Variants in MCF2L observed in about 807,000 individuals in gnomAD.
The protein encoded by MCF2L is MCF.2 cell line derived transforming sequence like.
A neutral mutation model predicts 153.4 loss-of-function variants in MCF2L; 97 were observed. That is an observed-to-expected ratio of 0.63 (90% CI 0.54 to 0.75). MCF2L has a LOEUF of 0.75. Ranked by LOEUF, MCF2L falls within the 30% of genes least tolerant of loss-of-function variation. The probability of loss-of-function intolerance (pLI) is 0.00; values close to 1 mark genes in which losing one functional copy is unlikely to be tolerated. For missense variants in MCF2L, 1,347 were observed against 1,495.2 expected (o/e 0.90, Z 1.64); for synonymous variants, 659 against 632.2 (o/e 1.04, Z -0.64).
At chr13:113,049,488 C>T (rs897072732) in intron 4 of MCF2L, among the ~76,000 whole-genome samples, 4 of 152,300 alleles carry the variant, frequency 2.6e-5, no homozygotes, top group Admixed American at 1.3e-4. Context: ...GTGGGGACAC[C>T]AAGTAGTGGC....
chr13:112,894,475 G>T (rs925187432), intron 1 of MCF2L: 1 of 151,592 alleles, frequency 6.6e-6, no homozygotes, highest in Non-Finnish European at 1.5e-5. Context: ...GGGGTGACGG[G>T]AGGGGGCGCG....
chr13:113,065,989 C>T (rs947653524), intron 7 of MCF2L, 57 bp from the exon 8 acceptor site: 1 of 1,570,846 alleles, frequency 6.4e-7, no homozygotes, highest in African/African-American at 1.3e-5. Flanking sequence ...GCCTCACCAC[C>T]AGCCTGCGCT....
intron 18 of MCF2L, 120 bp from the exon 19 acceptor site, chr13:113,084,772 C>T (rs752873719): frequency 6.3e-5 from 49 of 776,844 alleles, no homozygotes; most frequent in Non-Finnish European, 9.6e-5. Context: ...CTCGCAGGGC[C>T]GGGAAGACGC....
At chr13:113,026,697 C>CT (rs1432345802) in intron 3 of MCF2L, among the ~76,000 whole-genome samples, 3 of 152,260 alleles carry the variant, frequency 2.0e-5, no homozygotes, top group African/African-American at 7.2e-5. Flanking sequence ...TGGTCAGGCC[C>CT]TGGGGGCGTG....
intron 3 of MCF2L, among the ~76,000 whole-genome samples, chr13:113,033,198 C>T (rs2993320): frequency 0.4 from 21,171 of 52,434 alleles, 2,600 homozygotes; most frequent in East Asian, 0.47. Context: ...GACCCCGTGA[C>T]GTGAGTGGCC....
chr13:112,896,456 G>GCC (rs1211560233), intron 1 of MCF2L, among the ~76,000 whole-genome samples: 1 of 144,816 alleles, frequency 6.9e-6, no homozygotes, highest in African/African-American at 2.9e-5. Context: ...TCAGAAGAGA[G>GCC]GCCCCCCCTG....
At chr13:112,931,983 A>G (rs1427727374) in intron 2 of MCF2L, among the ~76,000 whole-genome samples, 1 of 152,220 alleles carries the variant, frequency 6.6e-6, no homozygotes, top group East Asian at 1.9e-4. Context: ...ACATGACTGG[A>G]GACAAGAGAT....
Position 112,907,383 on chromosome 13 carries a change from T to C in MCF2L, c.169+5012T>C, listed in dbSNP as rs2081183312. Among the ~76,000 whole-genome samples the C allele has an allele frequency of 6.6e-6, 1 of 152,304 alleles. No individual in the cohort carries two copies. The highest frequency in any genetic ancestry group is 2.4e-5 in the African/African-American group (1 of 41,568). On this transcript the variant is annotated intron_variant, in intron 2 of 29. Transcript: ENST00000375608. This position sits in a 1 kb window ranked among gnomAD's most constrained non-coding sequence, Gnocchi z 5.1. ...TTGGCTATCCACAGTGTTTCTGGCA[T>C]GGGTCATAGTCGTGGCTTGGTGGAG...
intron 2 of MCF2L, among the ~76,000 whole-genome samples, chr13:113,017,507 G>A (rs1017208425): frequency 3.9e-5 from 6 of 152,242 alleles, no homozygotes; most frequent in African/African-American, 1.4e-4. Context: ...TACCTCTGCT[G>A]CAAAGACTTC....
Position 113,027,264 on chromosome 13 carries a change from C to T in MCF2L, c.278+2506C>T, listed in dbSNP as rs1482581907. ...GACCTGGAAAGCAGCACATTGATCC[C>T]CTGATAAATATCACATAACCACCAG... On this transcript the variant is annotated intron_variant, in intron 3 of 29. Transcript: ENST00000535094. The surrounding 1 kb of genome is among the most constrained non-coding windows in gnomAD (Gnocchi z 4.8). Among the ~76,000 whole-genome samples the T allele has an allele frequency of 6.6e-6, 1 of 152,148 alleles. No homozygotes were observed. Among genetic ancestry groups the T allele is most frequent in the Non-Finnish European group, 1.5e-5 (1 of 68,034 alleles).
At chr13:112,915,866 T>C (rs1026714210) in intron 2 of MCF2L, among the ~76,000 whole-genome samples, 15 of 151,960 alleles carry the variant, frequency 9.9e-5, no homozygotes, top group African/African-American at 3.6e-4. Context: ...CTGAGATGGG[T>C]ACTTTGTTGT....
chr13:113,026,776 G>T (rs1472200614), intron 3 of MCF2L: 12 of 600,388 alleles, frequency 2.0e-5, no homozygotes, highest in Non-Finnish European at 3.0e-5. Context: ...AACAAAAATG[G>T]TTCCCTCAGG....
rs1008410572 is a variant in MCF2L, at chr13:113,074,283, G to A, written c.997-161G>A. ...GTCCCCGCTTGATTGGTGACCACTCGGGGCCGACTTTGCACCTGTCTGACT... is the reference window on the plus strand; with the variant it reads ...GTCCCCGCTTGATTGGTGACCACTCAGGGCCGACTTTGCACCTGTCTGACT... On this transcript the variant is annotated intron_variant, in intron 9 of 29. Transcript: ENST00000535094. The surrounding 1 kb of genome is among the most constrained non-coding windows in gnomAD (Gnocchi z 4.2). 2.0e-5 allele frequency among the ~76,000 whole-genome samples: 3 copies of A among 152,182 alleles called. No individual in the cohort carries two copies. The highest frequency in any genetic ancestry group is 7.2e-5 in the African/African-American group (3 of 41,444).
At chr13:112,928,177 T>C (rs1217348682) in intron 2 of MCF2L, among the ~76,000 whole-genome samples, 1 of 152,244 alleles carries the variant, frequency 6.6e-6, no homozygotes, top group Non-Finnish European at 1.5e-5. Flanking sequence ...CTTGGATTGA[T>C]GGTGGTGGGC....
At chr13:113,042,158 A>G (rs1537024) in intron 3 of MCF2L, 126,010 of 151,970 alleles carry the variant, frequency 0.83, 52,489 homozygotes, top group African/African-American at 0.91. Flanking sequence ...TCCCACGCGC[A>G]CCCTGGGCCC....
Position 113,066,153 on chromosome 13 carries a change from C to T in MCF2L, c.864C>T (p.Asn288=), listed in dbSNP as rs749672543. ...EPSVNQDQLD[N]QATVQRLLAQ... ...GTGTGAACCAGGACCAGCTTGACAA[C>T]CAGGCCACCGTGCAGAGGTGAGGCC... The change falls in exon 8 of 30, where the codon AAC becomes AAT. Residue 288 remains asparagine (N), a synonymous_variant. Transcript: ENST00000535094. 56 of 1,612,274 alleles carry T rather than the reference C, an allele frequency of 3.5e-5. No individual in the cohort carries two copies. Among genetic ancestry groups the T allele is most frequent in the Non-Finnish European group, 6.8e-6 (8 of 1,179,698 alleles).
upstream of MCF2L, chr13:112,968,118 C>CTCTCTT (rs1555355432): frequency 5.2e-6 from 1 of 191,606 alleles, no homozygotes; most frequent in Non-Finnish European, 1.0e-5. Context: ...CTCTCTCTCT[C>CTCTCTT]TTTTAACTGA....
At chr13:112,922,895 TGG>T (rs1594331855) in intron 2 of MCF2L, among the ~76,000 whole-genome samples, 2 of 152,170 alleles carry the variant, frequency 1.3e-5, no homozygotes, top group East Asian at 3.9e-4. Context: ...AATGCAAAGA[TGG>T]TTAACATTAG....
chr13:113,077,593 G>A (rs989877819), intron 13 of MCF2L, among the ~76,000 whole-genome samples: 6 of 152,140 alleles, frequency 3.9e-5, no homozygotes, highest in African/African-American at 7.2e-5. Context: ...TCCACGGTCT[G>A]TCCTTTCCCG....
Sources: gnomAD v4.1 joint callset for allele counts (sites outside exome capture counted in the v4.1 genomes callset) on GRCh38, gnomAD v4.1.1 for gene constraint, Gnocchi (gnomAD v3.1) non-coding constraint, MANE v1.5 for transcripts, NCBI Gene and HGNC (gene_info 2026-07-23, HGNC 2026-07-21) for gene names.